The following TJAP1 variants were observed in gnomAD, a reference collection of about 807,000 sequenced individuals.
TJAP1 encodes the protein tight junction associated protein 1.
Under a neutral mutation model 42.0 loss-of-function variants are expected in TJAP1, and 27 were observed. That is an observed-to-expected ratio of 0.64 (90% CI 0.47 to 0.89). The LOEUF (loss-of-function observed/expected upper bound fraction) is 0.89, where lower values mean the gene tolerates loss of function less well. Ranked by LOEUF, TJAP1 falls within the 40% of genes least tolerant of loss-of-function variation. TJAP1 has a pLI of 0.00. For missense variants in TJAP1, 712 were observed against 726.9 expected (o/e 0.98, Z 0.24); for synonymous variants, 257 against 288.4 (o/e 0.89, Z 1.10).
At chr6:43,496,393 C>T (rs1196523910) in intron 2 of TJAP1, among the ~76,000 whole-genome samples, 48 of 152,210 alleles carry the variant, frequency 3.2e-4, no homozygotes, top group Non-Finnish European at 5.9e-5. Flanking sequence ...TGTTTGCTCC[C>T]CACACCCCGG....
At chr6:43,478,578 C>A (rs1381474910) in intron 2 of TJAP1, 1 of 152,222 alleles carries the variant, frequency 6.6e-6, no homozygotes, top group East Asian at 1.9e-4. Flanking sequence ...TGGCGTCCTG[C>A]CTGGAAGTGG....
Position 43,495,041 on chromosome 6 carries a change from CT to C in TJAP1, c.-121-2836del, listed in dbSNP as rs1333582462. ...CTGTCCAGCTGCTCTCCTTAGGGACCTTTTCTTCCCCACATGGGATTGGGAG... is the reference window on the plus strand; with the variant it reads ...CTGTCCAGCTGCTCTCCTTAGGGACCTTTCTTCCCCACATGGGATTGGGAG... On this transcript the variant is annotated intron_variant, in intron 2 of 10. Transcript: ENST00000372449. The surrounding 1 kb of genome is among the most constrained non-coding windows in gnomAD (Gnocchi z 4.6). Among the ~76,000 whole-genome samples, 2 of 152,250 alleles carry C rather than the reference CT, an allele frequency of 1.3e-5. No individual in the cohort carries two copies. Among genetic ancestry groups the C allele is most frequent in the Non-Finnish European group, 2.9e-5 (2 of 68,040 alleles).
At chr6:43,479,260 A>C (rs1784820884) in intron 2 of TJAP1, among the ~76,000 whole-genome samples, 1 of 152,170 alleles carries the variant, frequency 6.6e-6, no homozygotes, top group African/African-American at 2.4e-5. Flanking sequence ...CTCTTCATTT[A>C]CTGTCTGCTC....
intron 10 of TJAP1, chr6:43,504,036 C>A: frequency 1.9e-6 from 1 of 513,362 alleles, no homozygotes; most frequent in Non-Finnish European, 3.8e-6. Context: ...CATGTTACCC[C>A]AAGGGGTAAA....
intron 2 of TJAP1, among the ~76,000 whole-genome samples, chr6:43,479,606 A>G (rs150305663): frequency 1.7e-4 from 26 of 152,224 alleles, no homozygotes; most frequent in African/African-American, 5.5e-4. Flanking sequence ...GCAATGCACT[A>G]TGATGGCACC....
At chr6:43,496,361 C>T (rs1238731126) in intron 2 of TJAP1, among the ~76,000 whole-genome samples, 1 of 152,186 alleles carries the variant, frequency 6.6e-6, no homozygotes. Context: ...GGGGCAGCCC[C>T]AAGGAACCTG....
intron 2 of TJAP1, among the ~76,000 whole-genome samples, chr6:43,478,459 T>G (rs898842434): frequency 3.3e-5 from 5 of 152,226 alleles, no homozygotes; most frequent in Non-Finnish European, 5.9e-5. Context: ...CAAGTAAACC[T>G]GGACAGAGGC....
At chr6:43,503,125 C>T (rs1377852866) in intron 8 of TJAP1, 2 of 506,986 alleles carry the variant, frequency 3.9e-6, no homozygotes, top group African/African-American at 1.9e-5. Flanking sequence ...GTGCCCAGAG[C>T]CCCTGGAACC....
At chr6:43,487,779 T>C (rs1253849599) in intron 2 of TJAP1, among the ~76,000 whole-genome samples, 1 of 151,650 alleles carries the variant, frequency 6.6e-6, no homozygotes, top group Non-Finnish European at 1.5e-5. Flanking sequence ...AGTAAGAAGA[T>C]CCTCCCTTTC....
At chr6:43,480,584 T>C (rs1297018625) in intron 2 of TJAP1, among the ~76,000 whole-genome samples, 2 of 152,178 alleles carry the variant, frequency 1.3e-5, no homozygotes, top group African/African-American at 4.8e-5. Context: ...AATGGTGCTC[T>C]CCTCACTGCA....
At chr6:43,502,214 G>A in intron 6 of TJAP1, 69 bp from the exon 7 acceptor site, 1 of 1,529,490 alleles carries the variant, frequency 6.5e-7, no homozygotes. Context: ...TCCCCTATCG[G>A]GGAGGCTGAA....
At chr6:43,479,291 A>G (rs1033308016) in intron 2 of TJAP1, among the ~76,000 whole-genome samples, 1 of 152,178 alleles carries the variant, frequency 6.6e-6, no homozygotes, top group African/African-American at 2.4e-5. Flanking sequence ...CCCCCAATCA[A>G]AGGCTTACTC....
rs1418129280 is a variant in TJAP1 at position 43,492,037 on chromosome 6, T to C, written c.-121-5844T>C. Among the ~76,000 whole-genome samples the C allele has an allele frequency of 6.6e-6, 1 of 152,196 alleles. No homozygotes were observed. Among genetic ancestry groups the C allele is most frequent in the African/African-American group, 2.4e-5 (1 of 41,460 alleles). On this transcript the variant is annotated intron_variant, in intron 2 of 10. Coordinates refer to ENST00000372449, the Ensembl canonical transcript of TJAP1. The surrounding 1 kb of genome is among the most constrained non-coding windows in gnomAD (Gnocchi z 4.2). ...CTAATGTCAAATGCAGGCTATGACC[T>C]TGGGGATTTCTTGCCCTCTTTTTTT...
chr6:43,504,228 C>T (rs139694860), intron 10 of TJAP1: 5,621 of 232,830 alleles, frequency 0.024, 342 homozygotes, highest in African/African-American at 0.12. Flanking sequence ...AATTCTCCTG[C>T]TTCAGCCTCC....
In TJAP1 at chr6:43,495,834, G is replaced by GAGCT. The variant is rs1352075553; in HGVS notation, c.-121-2044_-121-2041dup. Reference sequence around the variant, plus strand: ...GCTTGAGGTCAGGGTGAGGCAGGAGGAGCTAGAGGATGTGTGGCAACTAGA... The same window carrying GAGCT: ...GCTTGAGGTCAGGGTGAGGCAGGAGGAGCTAGCTAGAGGATGTGTGGCAACTAGA... On this transcript the variant is annotated intron_variant, in intron 2 of 10. Transcript: ENST00000372449. This position sits in a 1 kb window ranked among gnomAD's most constrained non-coding sequence, Gnocchi z 4.6. Among the ~76,000 whole-genome samples, 1 of 152,148 alleles carries GAGCT rather than the reference G, an allele frequency of 6.6e-6. No homozygotes were observed. The highest frequency in any genetic ancestry group is 1.5e-5 in the Non-Finnish European group (1 of 68,014).
In TJAP1 at chr6:43,501,454, ACTCT is replaced by A. The variant is rs1790496886; in HGVS notation, c.129-71_129-68del. On this transcript the variant is annotated intron_variant, in intron 5 of 10. Transcript: ENST00000372449. ...ATGTCATCCCTTCCTTCCTGAGCCC[ACTCT>A]GGAGCTCCAGGGCATGCCCTTCTAT... 9.9e-6 allele frequency: 14 copies of A among 1,415,654 alleles called. No homozygotes were observed. The Admixed American group carries it at 2.9e-4, about 30-fold the overall frequency. The allele number at this position is 1,415,654 out of a possible 1,614,324, so 87.7% of individuals were successfully genotyped here.
chr6:43,485,975 T>C (rs1243943008), intron 2 of TJAP1, among the ~76,000 whole-genome samples: 1 of 151,902 alleles, frequency 6.6e-6, no homozygotes, highest in Non-Finnish European at 1.5e-5. Context: ...ATGTTTTTTT[T>C]TTTTTTCTTT....
At chr6:43,484,744 A>G (rs1335171457) in intron 2 of TJAP1, among the ~76,000 whole-genome samples, 1 of 150,104 alleles carries the variant, frequency 6.7e-6, no homozygotes, top group Non-Finnish European at 1.5e-5. Flanking sequence ...TGTTTTTCCC[A>G]AGACGGAGTC....
intron 2 of TJAP1, among the ~76,000 whole-genome samples, chr6:43,490,712 A>G (rs9472067): frequency 0.12 from 18,610 of 152,026 alleles, 2,018 homozygotes; most frequent in African/African-American, 0.3. Context: ...CTGGGAGGTG[A>G]AGTTTGTCCC....
Sources: allele counts gnomAD v4.1 joint callset (sites outside exome capture counted in the v4.1 genomes callset), GRCh38; gene constraint gnomAD v4.1.1; non-coding constraint Gnocchi (gnomAD v3.1); transcripts MANE v1.5; gene names NCBI Gene and HGNC (gene_info 2026-07-23, HGNC 2026-07-21).